The following CGNL1 variants were observed in gnomAD, a reference collection of about 807,000 sequenced individuals.
CGNL1 encodes the protein cingulin-like protein 1.
A neutral mutation model predicts 141.2 loss-of-function variants in CGNL1; 132 were observed. The ratio of observed to expected loss-of-function variants is 0.93; its 90% CI spans 0.81 to 1.08. The LOEUF is 1.08. CGNL1 is among the 50% of genes least tolerant of loss of function. CGNL1 has a pLI of 0.00. For synonymous variants in CGNL1, 690 were observed against 622.1 expected (o/e 1.11, Z -1.63); for missense variants, 1,870 against 1,588.6 (o/e 1.18, Z -3.01).
At chr15:57,519,392 G>A (rs2031085557) in intron 10 of CGNL1, among the ~76,000 whole-genome samples, 1 of 152,182 alleles carries the variant, frequency 6.6e-6, no homozygotes, top group African/African-American at 2.4e-5. Context: ...ATTTGTAAAT[G>A]CCTTGTTGCA....
intron 9 of CGNL1, among the ~76,000 whole-genome samples, chr15:57,517,579 C>T (rs2030913473): frequency 6.6e-6 from 1 of 152,218 alleles, no homozygotes; most frequent in South Asian, 2.1e-4. Context: ...ATGTATTTCT[C>T]ACAGTTCTGG....
chr15:57,402,204 T>C (rs974207365), intron 1 of CGNL1, among the ~76,000 whole-genome samples: 2 of 152,038 alleles, frequency 1.3e-5, no homozygotes, highest in Non-Finnish European at 2.9e-5. Flanking sequence ...CCATAGTGAG[T>C]GAGTGAGTTC....
At chr15:57,408,939 G>C (rs749800236) in intron 1 of CGNL1, among the ~76,000 whole-genome samples, 7 of 151,904 alleles carry the variant, frequency 4.6e-5, no homozygotes, top group Non-Finnish European at 1.0e-4. Flanking sequence ...TACTCAGAAG[G>C]CTGAGGCAGG....
chr15:57,475,527 G>A (rs868573284), intron 8 of CGNL1, among the ~76,000 whole-genome samples: 2 of 111,814 alleles, frequency 1.8e-5, no homozygotes, highest in African/African-American at 6.3e-5. Context: ...GTGTGTGTGT[G>A]TGTGTGTGTT....
chr15:57,548,158 C>G lies in CGNL1; in HGVS notation c.*668C>G, dbSNP rs1158440431. ...CTGAGATTACAGATGACCACCACCA[C>G]TCCTGGCTAATTTTTTGTATTTAGT... On this transcript the variant is annotated 3_prime_UTR_variant, in exon 19 of 19. Transcript: ENST00000281282. 6.6e-6 allele frequency: 1 copy of G among 152,178 alleles called. No homozygotes were observed. The highest frequency in any genetic ancestry group is 1.5e-5 in the Non-Finnish European group (1 of 68,086). 9.4% of individuals were successfully genotyped at this position (152,178 alleles called of 1,614,324 possible). A position where few individuals can be genotyped will look rare whatever the true frequency, so the allele number is the denominator to read the frequency against.
chr15:57,475,156 G>A (rs1003990983), intron 8 of CGNL1, among the ~76,000 whole-genome samples: 10 of 152,206 alleles, frequency 6.6e-5, no homozygotes, highest in South Asian at 4.1e-4. Context: ...ACCACCTGCC[G>A]CAGGTTGGCC....
chr15:57,544,694 G>A (rs1447067019), intron 16 of CGNL1, 97 bp downstream of exon 16: 18 of 1,407,504 alleles, frequency 1.3e-5, no homozygotes, highest in East Asian at 5.0e-5. Flanking sequence ...CCTGATCCTC[G>A]TAGCCTGTGA....
At chr15:57,463,588 G>T (rs1403081991) in intron 8 of CGNL1, among the ~76,000 whole-genome samples, 2 of 152,246 alleles carry the variant, frequency 1.3e-5, no homozygotes, top group Non-Finnish European at 2.9e-5. Context: ...AGCAAGGGCT[G>T]TTTGTTCCAG....
At chr15:57,522,137 G>C (rs2031303677) in intron 10 of CGNL1, among the ~76,000 whole-genome samples, 1 of 152,124 alleles carries the variant, frequency 6.6e-6, no homozygotes, top group South Asian at 2.1e-4. Context: ...CTGAACTTCT[G>C]ATTACCTTTC....
intron 8 of CGNL1, among the ~76,000 whole-genome samples, chr15:57,467,790 AAT>A: frequency 6.6e-6 from 1 of 150,946 alleles, no homozygotes; most frequent in Admixed American, 6.6e-5. Context: ...CCTGGGTTCA[AAT>A]GATTCTTGTG....
intron 1 of CGNL1, among the ~76,000 whole-genome samples, chr15:57,418,931 G>GC (rs60639009): frequency 0.8 from 119,311 of 148,546 alleles, 48,157 homozygotes; most frequent in Non-Finnish European, 0.87. Flanking sequence ...ACTGCCTGGT[G>GC]CCTTTTTTTT....
In CGNL1 at chr15:57,547,278, A is replaced by G. The variant is rs181617093; in HGVS notation, c.3774-77A>G. ...AGTGGGGTGCAGGGACAGCAACCCA[A>G]AACCCTCCCTTTAAGTCCAAATTAG... On this transcript the variant is annotated intron_variant, in intron 18 of 18. Coordinates refer to ENST00000281282, the MANE Select transcript of CGNL1 (RefSeq NM_032866.5). 2.5e-3 allele frequency: 3,922 copies of G among 1,556,364 alleles called. 10 individuals are homozygous for G. Among genetic ancestry groups the G allele is most frequent in the Non-Finnish European group, 2.7e-3 (3,147 of 1,145,104 alleles).
At chr15:57,400,089 G>T (rs1273661236) in intron 1 of CGNL1, among the ~76,000 whole-genome samples, 1 of 151,400 alleles carries the variant, frequency 6.6e-6, no homozygotes, top group Non-Finnish European at 1.5e-5. Context: ...AAACTCCTGG[G>T]CTCAAGTGAT....
intron 8 of CGNL1, 71 bp from the exon 9 acceptor site, chr15:57,516,709 G>A: frequency 1.3e-6 from 2 of 1,495,010 alleles, no homozygotes; most frequent in Non-Finnish European, 9.2e-7. Context: ...ATAAATGCCA[G>A]CCATTCTTCC....
chr15:57,388,374 G>T (rs2062506394), intron 1 of CGNL1, among the ~76,000 whole-genome samples: 1 of 152,150 alleles, frequency 6.6e-6, no homozygotes, highest in Non-Finnish European at 1.5e-5. Context: ...AGGAGGGTGA[G>T]GGGAGCCCGG....
chr15:57,464,004 A>G (rs2063478317), intron 8 of CGNL1, among the ~76,000 whole-genome samples: 1 of 151,622 alleles, frequency 6.6e-6, no homozygotes, highest in Non-Finnish European at 1.5e-5. Context: ...ATACCCTATT[A>G]TAATTTCTCA....
chr15:57,420,364 TC>T (rs1359702482), intron 1 of CGNL1, among the ~76,000 whole-genome samples: 3 of 152,156 alleles, frequency 2.0e-5, no homozygotes, highest in African/African-American at 7.2e-5. Context: ...TTATAAATAT[TC>T]CTATATGTAA....
rs1461057835 is a variant in CGNL1, at chr15:57,438,150, G to A, written c.151G>A (p.Gly51Ser). Residue 51 changes from glycine to serine, a missense_variant, in exon 2 of 19, where the codon GGT (glycine) becomes AGT (serine). Physicochemically the swap from Gly to Ser is moderately conservative, Grantham distance 56. Coordinates refer to ENST00000281282, the MANE Select transcript of CGNL1 (RefSeq NM_032866.5). ...GVSIRVQGIDGHPYIVLNNTE... is the reference protein window; with the variant it reads ...GVSIRVQGIDSHPYIVLNNTE... ...CAGTATTCGGGTCCAGGGAATTGAT[G>A]GTCACCCCTATATTGTCCTGAATAA... 6.2e-7 allele frequency: 1 copy of A among 1,614,004 alleles called. No individual in the cohort carries two copies. Among genetic ancestry groups the A allele is most frequent in the African/African-American group, 1.3e-5 (1 of 74,892 alleles).
intron 14 of CGNL1, among the ~76,000 whole-genome samples, chr15:57,541,060 T>C (rs987250988): frequency 6.6e-6 from 1 of 152,144 alleles, no homozygotes. Flanking sequence ...AGGCACCAGG[T>C]TGTGCTTTTA....
Sources: allele counts gnomAD v4.1 joint callset (sites outside exome capture counted in the v4.1 genomes callset), GRCh38; gene constraint gnomAD v4.1.1; transcripts MANE v1.5; gene names NCBI Gene and HGNC (gene_info 2026-07-23, HGNC 2026-07-21).